ACTR3C: variants seen among roughly 807,000 people sequenced by gnomAD.
ACTR3C encodes actin related protein 3C.
In ACTR3C, 18 loss-of-function variants were observed where a neutral mutation model predicts 26.3. The observed-to-expected ratio is 0.68, with a 90% CI of 0.47 to 1.01. ACTR3C has a LOEUF of 1.01. Ranked by LOEUF, ACTR3C falls within the 50% of genes least tolerant of loss-of-function variation. The pLI is 0.00. For missense variants in ACTR3C, 184 were observed against 250.7 expected (o/e 0.73, Z 1.80); for synonymous variants, 55 against 94.5 (o/e 0.58, Z 2.42).
chr7:149,937,254 C>T, the ACTR3C span, among the ~76,000 whole-genome samples: 2 of 136,966 alleles, frequency 1.5e-5, no homozygotes, highest in African/African-American at 5.5e-5. Context: ...CCTGATGGCT[C>T]CCTGACATCT....
chr7:150,115,723 A>T, the ACTR3C span, among the ~76,000 whole-genome samples: 1 of 152,260 alleles, frequency 6.6e-6, no homozygotes, highest in African/African-American at 2.4e-5. Context: ...TACAGTACTC[A>T]GTCAGCACTG....
At chr7:150,038,174 G>A in the ACTR3C span, among the ~76,000 whole-genome samples, 2 of 143,134 alleles carry the variant, frequency 1.4e-5, no homozygotes, top group Admixed American at 6.8e-5. Context: ...TTATGTTCAG[G>A]TTTTGCCCAA....
At chr7:150,255,277 T>A (rs1389183754) in intron 6 of ACTR3C, among the ~76,000 whole-genome samples, 1 of 143,966 alleles carries the variant, frequency 6.9e-6, no homozygotes, top group African/African-American at 2.6e-5. Flanking sequence ...TGCTTTCGAG[T>A]TTTTCTCTTA....
the ACTR3C span, among the ~76,000 whole-genome samples, chr7:150,205,762 G>C: frequency 1.3e-5 from 2 of 151,310 alleles, no homozygotes; most frequent in Non-Finnish European, 2.9e-5. Flanking sequence ...ACTAACCTGG[G>C]AAATAGCCAT....
At chr7:150,121,305 T>C in the ACTR3C span, among the ~76,000 whole-genome samples, 1 of 152,338 alleles carries the variant, frequency 6.6e-6, no homozygotes, top group African/African-American at 2.4e-5. Flanking sequence ...TGTTTGCAGA[T>C]GACATGACTG....
the ACTR3C span, among the ~76,000 whole-genome samples, chr7:150,093,439 C>G: frequency 6.6e-6 from 1 of 151,128 alleles, no homozygotes; most frequent in Non-Finnish European, 1.5e-5. Context: ...TTATAAGAAG[C>G]CCAAAGATAC....
the ACTR3C span, among the ~76,000 whole-genome samples, chr7:150,022,924 G>A: frequency 6.6e-6 from 1 of 151,564 alleles, no homozygotes; most frequent in African/African-American, 2.4e-5. Context: ...TGTCTTGTTA[G>A]TCTTGGTGTT....
At chr7:150,158,290 C>A in the ACTR3C span, among the ~76,000 whole-genome samples, 2 of 151,610 alleles carry the variant, frequency 1.3e-5, no homozygotes, top group Non-Finnish European at 1.5e-5. Flanking sequence ...GGAGGTTCCA[C>A]AAAAAAATAA....
the ACTR3C span, among the ~76,000 whole-genome samples, chr7:150,155,351 A>C: frequency 6.6e-6 from 1 of 151,980 alleles, no homozygotes. Flanking sequence ...GCTCATTCAA[A>C]ATAACAAAAA....
intron 1 of ACTR3C, among the ~76,000 whole-genome samples, chr7:150,313,764 A>T (rs1358704244): frequency 6.6e-6 from 1 of 152,066 alleles, no homozygotes; most frequent in African/African-American, 2.4e-5. Context: ...GGGGAGAGAG[A>T]GTGTGTTATG....
At chr7:150,289,048 G>A (rs1056470651) in intron 4 of ACTR3C, among the ~76,000 whole-genome samples, 3 of 151,372 alleles carry the variant, frequency 2.0e-5, no homozygotes, top group African/African-American at 7.3e-5. Flanking sequence ...ACACCTGTGT[G>A]TGAATTTTGT....
At chr7:150,069,577 A>T in the ACTR3C span, among the ~76,000 whole-genome samples, 26 of 151,882 alleles carry the variant, frequency 1.7e-4, no homozygotes, top group Admixed American at 9.2e-4. Flanking sequence ...TAAGAGATAA[A>T]AGCCAGGGAG....
At chr7:149,988,123 C>T in the ACTR3C span, among the ~76,000 whole-genome samples, 2 of 152,166 alleles carry the variant, frequency 1.3e-5, no homozygotes, top group South Asian at 2.1e-4. Flanking sequence ...CCCAGCCCAC[C>T]GCACATTGCT....
the ACTR3C span, among the ~76,000 whole-genome samples, chr7:149,899,779 A>C: frequency 2.6e-5 from 4 of 151,762 alleles, no homozygotes; most frequent in South Asian, 4.1e-4. Context: ...AGGGAAGAGA[A>C]AAAGAAATAA....
At chr7:149,904,926 T>A in the ACTR3C span, among the ~76,000 whole-genome samples, 11 of 151,708 alleles carry the variant, frequency 7.3e-5, no homozygotes, top group Non-Finnish European at 1.5e-4. Context: ...CTCGGGAGGC[T>A]GAGGCAGGAG....
At chr7:150,200,756 AAT>A in the ACTR3C span, among the ~76,000 whole-genome samples, 1 of 152,156 alleles carries the variant, frequency 6.6e-6, no homozygotes, top group African/African-American at 2.4e-5. Flanking sequence ...CAAGTTACTT[AAT>A]ATCTCTGAGT....
the ACTR3C span, among the ~76,000 whole-genome samples, chr7:150,011,982 G>C: frequency 6.6e-6 from 1 of 152,238 alleles, no homozygotes; most frequent in Admixed American, 6.5e-5. Flanking sequence ...CAAGAGGCGA[G>C]AGAGTTTTCA....
At chr7:150,224,260 T>C in the ACTR3C span, among the ~76,000 whole-genome samples, 2 of 152,230 alleles carry the variant, frequency 1.3e-5, no homozygotes, top group African/African-American at 4.8e-5. Context: ...AGGAGCAGCC[T>C]TCCACAATCA....
chr7:150,202,973 A>G, the ACTR3C span, among the ~76,000 whole-genome samples: 3 of 152,262 alleles, frequency 2.0e-5, no homozygotes, highest in Admixed American at 1.3e-4. Flanking sequence ...GCAAACTACC[A>G]CTAAGACCGT....
Sources: gnomAD v4.1 joint callset for allele counts (sites outside exome capture counted in the v4.1 genomes callset) on GRCh38, gnomAD v4.1.1 for gene constraint, MANE v1.5 for transcripts, NCBI Gene and HGNC (gene_info 2026-07-23, HGNC 2026-07-21) for gene names.